ARHGEF7: variants seen among roughly 807,000 people sequenced by gnomAD.
ARHGEF7 encodes Rho guanine nucleotide exchange factor 7.
A neutral mutation model predicts 109.8 loss-of-function variants in ARHGEF7; 33 were observed. That is an observed-to-expected ratio of 0.30 (90% CI 0.23 to 0.40). The LOEUF (loss-of-function observed/expected upper bound fraction) is 0.40. ARHGEF7 is among the 10% of genes least tolerant of loss of function. The pLI, the probability that ARHGEF7 is intolerant of heterozygous loss-of-function variation, is 1.00. For synonymous variants in ARHGEF7, 458 were observed against 424.6 expected, an observed-to-expected ratio of 1.08 and a Z score of -0.97; for missense variants, 938 against 1,098.5, an observed-to-expected ratio of 0.85 and a Z score of 2.07.
chr13:111,167,272 G>A (rs1223952116), intron 2 of ARHGEF7, among the ~76,000 whole-genome samples: 2 of 152,110 alleles, frequency 1.3e-5, no homozygotes, highest in African/African-American at 2.4e-5. Flanking sequence ...AAGAAACTGA[G>A]GACTCGTCAT....
At chr13:111,128,055 C>T (rs774710404) in intron 1 of ARHGEF7, among the ~76,000 whole-genome samples, 6 of 152,158 alleles carry the variant, frequency 3.9e-5, no homozygotes, top group East Asian at 1.9e-4. Context: ...TAGAAGGAAA[C>T]TTCCTCAACA....
intron 5 of ARHGEF7, among the ~76,000 whole-genome samples, chr13:111,225,022 A>G (rs939859258): frequency 6.6e-6 from 1 of 152,178 alleles, no homozygotes; most frequent in African/African-American, 2.4e-5. Context: ...AGCATTATGT[A>G]CAAAGGGGTC....
intron 2 of ARHGEF7, among the ~76,000 whole-genome samples, chr13:111,175,549 G>C (rs1449302129): frequency 6.6e-6 from 1 of 152,222 alleles, no homozygotes; most frequent in African/African-American, 2.4e-5. Flanking sequence ...AGCCTGCAGT[G>C]GGGTGAGTGA....
intron 2 of ARHGEF7, chr13:111,182,334 C>G (rs1486215975): frequency 6.6e-6 from 1 of 152,574 alleles, no homozygotes; most frequent in East Asian, 1.9e-4. Flanking sequence ...AGTTACTGCC[C>G]CGTGTGTCAT....
intron 8 of ARHGEF7, among the ~76,000 whole-genome samples, chr13:111,267,228 C>T (rs939227014): frequency 6.6e-6 from 1 of 152,198 alleles, no homozygotes; most frequent in African/African-American, 2.4e-5. Flanking sequence ...CAATAATTCT[C>T]CTTATTTTAT....
Position 111,293,798 on chromosome 13 carries a change from C to G in ARHGEF7, c.2311+1504C>G, listed in dbSNP as rs45485791. 937 of 985,366 alleles carry G rather than the reference C, an allele frequency of 9.5e-4. 1 individual carries two copies. The highest frequency in any genetic ancestry group is 1.1e-3 in the Non-Finnish European group (903 of 829,936). 61.0% of individuals were successfully genotyped at this position (985,366 alleles called of 1,614,324 possible). ...CCACTGCCCACTCCTTCGCCAAACC[C>G]ACGTATTCAGTGTTCTGATCTTGTT... On this transcript the variant is annotated intron_variant, in intron 19 of 21. Transcript: ENST00000646102.
At chr13:111,281,003 A>G (rs2092745173) in intron 15 of ARHGEF7, 1 of 201,672 alleles carries the variant, frequency 5.0e-6, no homozygotes, top group African/African-American at 2.3e-5. Context: ...GATTTTTCTG[A>G]GAATTTTAAC....
rs1487373801 is a variant in ARHGEF7, at chr13:111,157,807, C to A, written c.252+3816C>A. On this transcript the variant is annotated intron_variant, in intron 2 of 21. Transcript: ENST00000646102. The stretch of plus-strand genomic sequence containing the variant: ...GTATGTGTGCATGTGTGTGTGTGCA[C>A]ATGCTTGTTCACTGAAAAGGTCACA... Among the ~76,000 whole-genome samples the A allele has an allele frequency of 2.0e-5, 3 of 152,246 alleles. No individual in the cohort carries two copies. The South Asian group carries it at 6.2e-4, about 32-fold the overall frequency.
At chr13:111,265,557 A>G (rs998400736) in intron 8 of ARHGEF7, 2 of 456,626 alleles carry the variant, frequency 4.4e-6, no homozygotes, top group African/African-American at 2.0e-5. Flanking sequence ...ATGGAGGTGG[A>G]ACCGGGAAGT....
chr13:111,212,163 G>A (rs2082576012), intron 4 of ARHGEF7, among the ~76,000 whole-genome samples: 1 of 152,188 alleles, frequency 6.6e-6, no homozygotes, highest in Non-Finnish European at 1.5e-5. Context: ...CCTGTCTTGG[G>A]ATATAGGCAG....
chr13:111,230,394 T>C, intron 5 of ARHGEF7, among the ~76,000 whole-genome samples: 1 of 152,258 alleles, frequency 6.6e-6, no homozygotes, highest in Non-Finnish European at 1.5e-5. Context: ...GGCCGTAATT[T>C]AGCCTCTTTT....
At chr13:111,120,086 T>C (rs2067079645) in intron 1 of ARHGEF7, among the ~76,000 whole-genome samples, 1 of 152,204 alleles carries the variant, frequency 6.6e-6, no homozygotes, top group Non-Finnish European at 1.5e-5. Flanking sequence ...CTGAATATGG[T>C]TCCAGAATAG....
chr13:111,266,095 G>A lies in ARHGEF7; in HGVS notation c.951-1453G>A, dbSNP rs2091610396. Among the ~76,000 whole-genome samples the A allele has an allele frequency of 6.6e-6, 1 of 152,092 alleles. No individual in the cohort carries two copies. The highest frequency in any genetic ancestry group is 2.4e-5 in the African/African-American group (1 of 41,392). On this transcript the variant is annotated intron_variant, in intron 8 of 21. Transcript: ENST00000646102. The surrounding 1 kb of genome is among the most constrained non-coding windows in gnomAD (Gnocchi z 4.8). ...TGCATTCCTCTGTCATTTTGGTCAC[G>A]TACCTGCTCTGGGAACTTCCCGAGG...
At chr13:111,192,250 C>T (rs1436121984) in intron 2 of ARHGEF7, among the ~76,000 whole-genome samples, 1 of 152,064 alleles carries the variant, frequency 6.6e-6, no homozygotes, top group African/African-American at 2.4e-5. Flanking sequence ...ACTCCTGCCA[C>T]CTTAACTGCA....
At chr13:111,216,083 G>A (rs575105265) in intron 4 of ARHGEF7, among the ~76,000 whole-genome samples, 1 of 152,084 alleles carries the variant, frequency 6.6e-6, no homozygotes, top group Non-Finnish European at 1.5e-5. Context: ...ATTTCTTTAG[G>A]TTTATACTAG....
intron 19 of ARHGEF7, among the ~76,000 whole-genome samples, chr13:111,295,727 A>G (rs1427805984): frequency 6.6e-6 from 1 of 152,254 alleles, no homozygotes; most frequent in Admixed American, 6.5e-5. Context: ...CCTTAGAGCC[A>G]TAAATAACAA....
intron 16 of ARHGEF7, 140 bp from the exon 17 acceptor site, chr13:111,286,007 T>C (rs1050346234): frequency 3.2e-6 from 2 of 619,166 alleles, no homozygotes; most frequent in South Asian, 4.3e-5. Flanking sequence ...TAAAGAAAAA[T>C]CAAAGTAGGA....
intron 18 of ARHGEF7, among the ~76,000 whole-genome samples, chr13:111,289,728 G>A (rs917152762): frequency 9.9e-5 from 15 of 152,152 alleles, no homozygotes; most frequent in African/African-American, 2.9e-4. Context: ...TATCAAAGAC[G>A]GCTGCAGCTG....
At chr13:111,198,391 C>T (rs541492984) in intron 2 of ARHGEF7, among the ~76,000 whole-genome samples, 54 of 152,104 alleles carry the variant, frequency 3.6e-4, no homozygotes, top group Admixed American at 5.9e-4. Context: ...AGAATGAAGC[C>T]GTGGACACTC....
Sources: gnomAD v4.1 joint callset for allele counts (sites outside exome capture counted in the v4.1 genomes callset) on GRCh38, gnomAD v4.1.1 for gene constraint, Gnocchi (gnomAD v3.1) non-coding constraint, MANE v1.5 for transcripts, NCBI Gene and HGNC (gene_info 2026-07-23, HGNC 2026-07-21) for gene names.